Variants in EYS observed in about 807,000 individuals in gnomAD.
EYS encodes EGF-like photoreceptor maintenance factor.
A neutral mutation model predicts 282.1 loss-of-function variants in EYS; 250 were observed. The observed-to-expected ratio is 0.89, with a 90% CI of 0.80 to 0.98. EYS has a LOEUF of 0.98. EYS is among the 50% of genes least tolerant of loss of function. EYS has a pLI of 0.00. For missense variants in EYS, 4,016 were observed against 3,709.0 expected (o/e 1.08, Z -2.15); for synonymous variants, 1,355 against 1,282.9 (o/e 1.06, Z -1.20).
intron 26 of EYS, among the ~76,000 whole-genome samples, chr6:64,579,149 A>G (rs770718765): frequency 6.6e-6 from 1 of 152,090 alleles, no homozygotes; most frequent in Non-Finnish European, 1.5e-5. Context: ...TCCTGTTTTG[A>G]TCCCTGCTCC....
intron 26 of EYS, among the ~76,000 whole-genome samples, chr6:64,456,100 A>G (rs1260368239): frequency 6.6e-6 from 1 of 152,034 alleles, no homozygotes; most frequent in Non-Finnish European, 1.5e-5. Context: ...TTTTCATACC[A>G]AAGTTTTATT....
At chr6:64,443,603 A>G (rs919825018) in intron 26 of EYS, among the ~76,000 whole-genome samples, 1 of 152,162 alleles carries the variant, frequency 6.6e-6, no homozygotes, top group Non-Finnish European at 1.5e-5. Context: ...AGATGATTGA[A>G]TCATGGGGAC....
At chr6:64,851,897 G>C (rs982888883) in intron 19 of EYS, among the ~76,000 whole-genome samples, 4 of 151,968 alleles carry the variant, frequency 2.6e-5, no homozygotes, top group Non-Finnish European at 5.9e-5. Flanking sequence ...ATGACATAAT[G>C]GTGATCTGTA....
intron 29 of EYS, among the ~76,000 whole-genome samples, chr6:64,330,895 C>T (rs985764370): frequency 1.3e-5 from 2 of 152,180 alleles, no homozygotes; most frequent in Non-Finnish European, 2.9e-5. Flanking sequence ...CATGGAAAGC[C>T]CCCATTGTGT....
At chr6:64,574,888 A>C (rs995197081) in intron 26 of EYS, among the ~76,000 whole-genome samples, 3 of 150,866 alleles carry the variant, frequency 2.0e-5, no homozygotes. Context: ...ATCTAAAAGA[A>C]CACAATTTTG....
intron 12 of EYS, among the ~76,000 whole-genome samples, chr6:65,234,278 G>T (rs747273431): frequency 1.1e-4 from 16 of 152,010 alleles, no homozygotes; most frequent in Non-Finnish European, 1.5e-5. Context: ...TGGTACTCCG[G>T]CTCTAAGAGT....
At chr6:65,701,958 C>G (rs1049254734) in intron 1 of EYS, among the ~76,000 whole-genome samples, 1 of 152,122 alleles carries the variant, frequency 6.6e-6, no homozygotes, top group African/African-American at 2.4e-5. Flanking sequence ...AAGGTAGTAT[C>G]GGACATTTAA....
At chr6:64,989,197 G>T (rs1258933796) in intron 14 of EYS, among the ~76,000 whole-genome samples, 2 of 150,548 alleles carry the variant, frequency 1.3e-5, no homozygotes, top group Non-Finnish European at 3.0e-5. Flanking sequence ...ACTTGTTCAA[G>T]GTAACACAGC....
intron 22 of EYS, among the ~76,000 whole-genome samples, chr6:64,670,232 T>G (rs1019852150): frequency 6.6e-6 from 1 of 152,090 alleles, no homozygotes; most frequent in Non-Finnish European, 1.5e-5. Context: ...AGATGACTCG[T>G]GGATCCTTCT....
intron 1 of EYS, among the ~76,000 whole-genome samples, chr6:65,641,178 C>T (rs1334791467): frequency 1.3e-5 from 2 of 152,202 alleles, no homozygotes; most frequent in Non-Finnish European, 2.9e-5. Context: ...GGAGAGGAAG[C>T]AACAGCCATA....
intron 36 of EYS, among the ~76,000 whole-genome samples, chr6:63,812,795 A>G (rs1771081470): frequency 6.6e-6 from 1 of 152,094 alleles, no homozygotes; most frequent in African/African-American, 2.4e-5. Context: ...CTACACTATC[A>G]CCAATGCTAA....
At position 64,198,234 on chromosome 6, in the gene EYS, C is replaced by A. The variant is rs189025830; in HGVS notation, c.6424+32358G>T. On this transcript the variant is annotated intron_variant, in intron 31 of 42. Coordinates refer to ENST00000503581, the MANE Select transcript of EYS (RefSeq NM_001142800.2). ...GTGTTTGCCAGGATGGTCTAGATCT[C>A]CTGACCTCGTGATCCTCCTGCCTCG... 9.0e-3 allele frequency among the ~76,000 whole-genome samples: 1,356 copies of A among 151,216 alleles called. 17 individuals carry two copies. The highest frequency in any genetic ancestry group is 0.031 in the African/African-American group (1,267 of 41,134).
At chr6:64,051,831 T>G in intron 33 of EYS, among the ~76,000 whole-genome samples, 1 of 152,100 alleles carries the variant, frequency 6.6e-6, no homozygotes, top group South Asian at 2.1e-4. Flanking sequence ...TTTCTTTATA[T>G]ATAATAGGAA....
chr6:64,430,072 C>T (rs1362727792), intron 28 of EYS, among the ~76,000 whole-genome samples: 1 of 152,122 alleles, frequency 6.6e-6, no homozygotes, highest in Non-Finnish European at 1.5e-5. Context: ...CACTCTGAGC[C>T]AAAGTATTCC....
intron 28 of EYS, among the ~76,000 whole-genome samples, chr6:64,431,760 C>T (rs145027559): frequency 1.3e-5 from 2 of 152,192 alleles, no homozygotes; most frequent in East Asian, 3.9e-4. Flanking sequence ...TCCTTCCTAC[C>T]TAAATAATCT....
At chr6:63,741,953 C>T (rs1185025713) in intron 41 of EYS, 1 of 702,316 alleles carries the variant, frequency 1.4e-6, no homozygotes, top group Non-Finnish European at 2.6e-6. Context: ...TTGGCTTTTC[C>T]AAGATCACAA....
At chr6:64,941,007 A>G (rs1769070578) in intron 15 of EYS, among the ~76,000 whole-genome samples, 1 of 152,110 alleles carries the variant, frequency 6.6e-6, no homozygotes, top group Non-Finnish European at 1.5e-5. Context: ...CTGAACAAGA[A>G]AAGGATTTAG....
chr6:63,854,320 T>C (rs1467679863), intron 36 of EYS, among the ~76,000 whole-genome samples: 1 of 152,152 alleles, frequency 6.6e-6, no homozygotes, highest in Non-Finnish European at 1.5e-5. Flanking sequence ...TGGATGAAGC[T>C]GGAAACCATC....
chr6:65,354,431 T>C (rs1027886515), intron 8 of EYS, among the ~76,000 whole-genome samples: 4 of 152,088 alleles, frequency 2.6e-5, no homozygotes, highest in African/African-American at 7.2e-5. Context: ...CATTGTTCTG[T>C]TTCAAGTCAT....
Sources: allele counts gnomAD v4.1 joint callset (sites outside exome capture counted in the v4.1 genomes callset), GRCh38; gene constraint gnomAD v4.1.1; transcripts MANE v1.5; gene names NCBI Gene and HGNC (gene_info 2026-07-23, HGNC 2026-07-21).